The following TENM2 variants were observed in gnomAD, a reference collection of about 807,000 sequenced individuals.
TENM2 encodes teneurin transmembrane protein 2.
TENM2 carries 52 observed loss-of-function variants against 245.2 expected under a neutral mutation model. The ratio of observed to expected loss-of-function variants is 0.21; its 90% CI spans 0.17 to 0.27. The LOEUF (loss-of-function observed/expected upper bound fraction) is 0.27. Among genes scored for constraint, TENM2 ranks in the 10% least tolerant of loss-of-function variants. The pLI is 1.00. For missense variants in TENM2, 3,046 were observed against 3,666.8 expected (o/e 0.83, Z 4.37); for synonymous variants, 1,363 against 1,438.9 (o/e 0.95, Z 1.19).
At chr5:168,251,481 G>A (rs1470779858) in intron 27 of TENM2, among the ~76,000 whole-genome samples, 1 of 152,192 alleles carries the variant, frequency 6.6e-6, no homozygotes, top group Non-Finnish European at 1.5e-5. Flanking sequence ...CGTGCACAGG[G>A]TGGATGTCTT....
intron 2 of TENM2, among the ~76,000 whole-genome samples, chr5:167,868,868 A>T (rs1022631762): frequency 6.6e-6 from 1 of 152,204 alleles, no homozygotes; most frequent in Admixed American, 6.5e-5. Flanking sequence ...CTTGTGAACC[A>T]GCTGGAACCA....
intron 2 of TENM2, among the ~76,000 whole-genome samples, chr5:167,635,031 A>G (rs540384671): frequency 6.6e-6 from 1 of 152,348 alleles, no homozygotes; most frequent in African/African-American, 2.4e-5. Flanking sequence ...CTACAGGCTT[A>G]AATATTGACT....
chr5:167,213,808 T>A, the TENM2 span, among the ~76,000 whole-genome samples: 1 of 152,282 alleles, frequency 6.6e-6, no homozygotes, highest in East Asian at 1.9e-4. Context: ...TATGGGAAAA[T>A]TTACCTTTAA....
chr5:167,060,390 C>A, the TENM2 span, among the ~76,000 whole-genome samples: 3 of 151,212 alleles, frequency 2.0e-5, no homozygotes, highest in Non-Finnish European at 4.4e-5. Flanking sequence ...CTGTGGGTCA[C>A]GCCTGTAATC....
chr5:167,126,075 G>A, the TENM2 span, among the ~76,000 whole-genome samples: 1,218 of 152,250 alleles, frequency 8.0e-3, 15 homozygotes, highest in African/African-American at 0.027. Context: ...GACTTAAAGG[G>A]AAGATAGTAG....
intron 2 of TENM2, among the ~76,000 whole-genome samples, chr5:167,750,282 A>G (rs1761873429): frequency 6.6e-6 from 1 of 152,106 alleles, no homozygotes; most frequent in South Asian, 2.1e-4. Flanking sequence ...GCTGCTGTCC[A>G]TATAGGCCTG....
intron 1 of TENM2, among the ~76,000 whole-genome samples, chr5:167,366,966 C>G (rs1461877145): frequency 6.6e-6 from 1 of 152,132 alleles, no homozygotes; most frequent in Non-Finnish European, 1.5e-5. Context: ...AGCCAGGCTC[C>G]TGGACATTTC....
chr5:168,262,054 T>C, exon 29 of TENM2: 1 of 1,613,556 alleles, frequency 6.2e-7, no homozygotes, highest in Non-Finnish European at 8.5e-7. Context: ...CACAGCTCAT[T>C]ACAGGTGTCC....
At chr5:167,021,039 G>A in the TENM2 span, among the ~76,000 whole-genome samples, 19 of 152,286 alleles carry the variant, frequency 1.2e-4, no homozygotes, top group Non-Finnish European at 2.1e-4. Context: ...AGCTACTCAG[G>A]AGGCTGAGGC....
At chr5:167,149,151 A>C in the TENM2 span, among the ~76,000 whole-genome samples, 1 of 152,070 alleles carries the variant, frequency 6.6e-6, no homozygotes, top group Non-Finnish European at 1.5e-5. Context: ...TATATATCCT[A>C]ATGCTATCCC....
chr5:167,049,778 C>T, the TENM2 span, among the ~76,000 whole-genome samples: 2 of 152,066 alleles, frequency 1.3e-5, no homozygotes, highest in Non-Finnish European at 2.9e-5. Context: ...AACTAAGAAG[C>T]TGGTTGGTGA....
intron 2 of TENM2, among the ~76,000 whole-genome samples, chr5:167,570,912 G>A (rs910826675): frequency 6.6e-6 from 1 of 152,082 alleles, no homozygotes; most frequent in Admixed American, 6.5e-5. Context: ...GAGGAGATTT[G>A]GAGAAAGGGC....
At chr5:167,132,436 A>G in the TENM2 span, among the ~76,000 whole-genome samples, 2 of 152,146 alleles carry the variant, frequency 1.3e-5, no homozygotes, top group Non-Finnish European at 2.9e-5. Context: ...AGAGAGTGAG[A>G]TGGGGCTGTG....
intron 25 of TENM2, among the ~76,000 whole-genome samples, chr5:168,243,966 G>C: frequency 7.5e-6 from 1 of 132,728 alleles, no homozygotes; most frequent in Non-Finnish European, 1.6e-5. Context: ...TTAAGATAGA[G>C]TCTCACTCTG....
chr5:167,412,704 G>A (rs1762970930), intron 2 of TENM2, among the ~76,000 whole-genome samples: 1 of 152,060 alleles, frequency 6.6e-6, no homozygotes, highest in African/African-American at 2.4e-5. Context: ...AAAAACAGTG[G>A]CTGTTGCATT....
chr5:168,002,079 T>C (rs1784451555), intron 5 of TENM2, among the ~76,000 whole-genome samples: 1 of 152,210 alleles, frequency 6.6e-6, no homozygotes, highest in African/African-American at 2.4e-5. Context: ...AGATATGTAA[T>C]ATGTGTCATC....
intron 7 of TENM2, among the ~76,000 whole-genome samples, chr5:168,068,958 C>G (rs1034500604): frequency 3.3e-5 from 5 of 152,012 alleles, no homozygotes; most frequent in Non-Finnish European, 7.4e-5. Flanking sequence ...ATCACTTTCT[C>G]AAGATTCCAT....
At chr5:168,166,443 T>G (rs1758314845) in intron 13 of TENM2, among the ~76,000 whole-genome samples, 1 of 152,194 alleles carries the variant, frequency 6.6e-6, no homozygotes, top group African/African-American at 2.4e-5. Flanking sequence ...TTTGAAACCT[T>G]TAACAGCCTT....
chr5:168,200,230 CA>C (rs1466036385), intron 17 of TENM2, 99 bp downstream of exon 19: 7 of 1,136,252 alleles, frequency 6.2e-6, no homozygotes, highest in Non-Finnish European at 8.8e-6. Context: ...AGCACCATTT[CA>C]GTAGATAAGG....
Sources: allele counts gnomAD v4.1 joint callset (sites outside exome capture counted in the v4.1 genomes callset), GRCh38; gene constraint gnomAD v4.1.1; transcripts MANE v1.5; gene names NCBI Gene and HGNC (gene_info 2026-07-23, HGNC 2026-07-21).